The following CSMD1 variants were observed in gnomAD, a reference collection of about 807,000 sequenced individuals.
CSMD1 encodes the protein CUB and sushi domain-containing protein 1.
In CSMD1, 213 loss-of-function variants were observed where a neutral mutation model predicts 417.5. The ratio of observed to expected loss-of-function variants is 0.51; its 90% CI spans 0.46 to 0.57. The LOEUF is 0.57. Among genes scored for constraint, CSMD1 ranks in the 20% least tolerant of loss-of-function variants. CSMD1 has a pLI of 0.00. For missense variants in CSMD1, 6,923 were observed against 4,529.7 expected (o/e 1.53, Z -15.17); for synonymous variants, 2,862 against 1,736.8 (o/e 1.65, Z -16.11).
intron 4 of CSMD1, among the ~76,000 whole-genome samples, chr8:4,010,301 G>A (rs958734361): frequency 5.3e-5 from 8 of 151,886 alleles, no homozygotes; most frequent in East Asian, 1.9e-4. Flanking sequence ...ATAATAATCT[G>A]GCACCCTCTG....
At chr8:3,760,829 T>C (rs1363074323) in intron 5 of CSMD1, among the ~76,000 whole-genome samples, 1 of 152,196 alleles carries the variant, frequency 6.6e-6, no homozygotes, top group South Asian at 2.1e-4. Context: ...CCAGAAAGCA[T>C]TACTGCTATT....
rs552787272 is a variant in CSMD1, at chr8:3,614,093, C to T, written c.1097+2617G>A. Among the ~76,000 whole-genome samples the T allele has an allele frequency of 4.6e-5, 7 of 152,132 alleles. No individual in the cohort carries two copies. The South Asian group carries it at 1.2e-3, about 27-fold the overall frequency. Reference sequence around the variant, plus strand: ...ATATATTCGTATACACATACACACACCATAGACGATACAAATAACATTTTA... The same window carrying T: ...ATATATTCGTATACACATACACACATCATAGACGATACAAATAACATTTTA... On this transcript the variant is annotated intron_variant, in intron 8 of 69. Transcript: ENST00000635120.
At chr8:3,231,066 A>C (rs1798807990) in intron 26 of CSMD1, among the ~76,000 whole-genome samples, 1 of 152,154 alleles carries the variant, frequency 6.6e-6, no homozygotes, top group Non-Finnish European at 1.5e-5. Context: ...GCCTAATCAC[A>C]GAAGGCTACC....
intron 10 of CSMD1, among the ~76,000 whole-genome samples, chr8:3,527,019 AGAAT>A (rs1018667843): frequency 2.6e-5 from 4 of 152,038 alleles, no homozygotes; most frequent in Admixed American, 6.6e-5. Flanking sequence ...CTCCCTACTC[AGAAT>A]GTGGCTGGGC....
At chr8:4,947,408 G>T (rs1808441647) in intron 1 of CSMD1, among the ~76,000 whole-genome samples, 1 of 135,492 alleles carries the variant, frequency 7.4e-6, no homozygotes, top group Non-Finnish European at 1.7e-5. Flanking sequence ...TTATGTCTAA[G>T]AATTACCAGT....
At chr8:4,703,786 G>C (rs1166046048) in intron 1 of CSMD1, among the ~76,000 whole-genome samples, 1 of 152,234 alleles carries the variant, frequency 6.6e-6, no homozygotes, top group South Asian at 2.1e-4. Flanking sequence ...GGGATACGAA[G>C]AGACCCGATC....
intron 5 of CSMD1, among the ~76,000 whole-genome samples, chr8:3,888,251 T>C (rs551691276): frequency 1.3e-5 from 2 of 152,290 alleles, no homozygotes; most frequent in South Asian, 2.1e-4. Context: ...AATGTGATGA[T>C]CTGCTAAATA....
At chr8:3,157,272 G>C (rs1024197999) in intron 39 of CSMD1, among the ~76,000 whole-genome samples, 1 of 152,122 alleles carries the variant, frequency 6.6e-6, no homozygotes, top group Non-Finnish European at 1.5e-5. Flanking sequence ...ACCAACCTTT[G>C]TACTGAGGGA....
At chr8:3,469,509 T>G (rs546374450) in intron 11 of CSMD1, among the ~76,000 whole-genome samples, 1 of 152,298 alleles carries the variant, frequency 6.6e-6, no homozygotes, top group East Asian at 1.9e-4. Flanking sequence ...AACAGTCACA[T>G]AGGGGCTGCT....
At chr8:3,885,147 T>A (rs1227028978) in intron 5 of CSMD1, among the ~76,000 whole-genome samples, 11 of 152,016 alleles carry the variant, frequency 7.2e-5, no homozygotes, top group Admixed American at 7.2e-4. Context: ...CAAGATCCCA[T>A]CTCGTGACTG....
At chr8:3,984,815 A>T (rs1814196546) in intron 5 of CSMD1, among the ~76,000 whole-genome samples, 2 of 148,044 alleles carry the variant, frequency 1.4e-5, no homozygotes, top group South Asian at 2.2e-4. Flanking sequence ...CACACAAAAA[A>T]CTAGAGGGAA....
chr8:4,317,623 GAGAGAGAGAGAC>G (rs1799011887), intron 3 of CSMD1, among the ~76,000 whole-genome samples: 2 of 82,824 alleles, frequency 2.4e-5, no homozygotes, highest in African/African-American at 9.0e-5. Context: ...GAGAAAGAGA[GAGAGAGAGAGAC>G]AATTTTATTT....
intron 50 of CSMD1, among the ~76,000 whole-genome samples, chr8:3,037,613 C>T (rs148943397): frequency 2.1e-3 from 320 of 152,168 alleles, no homozygotes; most frequent in African/African-American, 7.0e-3. Context: ...GTAGATGCCC[C>T]GTAGTAGGGC....
chr8:4,811,764 T>C (rs1798921958), intron 1 of CSMD1, among the ~76,000 whole-genome samples: 1 of 152,116 alleles, frequency 6.6e-6, no homozygotes, highest in Admixed American at 6.5e-5. Context: ...CTTTCAAACA[T>C]TCAGTTTATT....
chr8:3,987,262 C>A (rs546035952), intron 5 of CSMD1, among the ~76,000 whole-genome samples: 12 of 152,340 alleles, frequency 7.9e-5, no homozygotes, highest in Middle Eastern at 3.4e-3. Context: ...AAAGGCTACA[C>A]ACAGCCCAGT....
intron 3 of CSMD1, among the ~76,000 whole-genome samples, chr8:4,149,212 C>T (rs1424448819): frequency 6.6e-6 from 1 of 152,112 alleles, no homozygotes; most frequent in African/African-American, 2.4e-5. Flanking sequence ...GATCCGTCCA[C>T]CTCGGCCTCC....
At chr8:3,355,030 G>C (rs900661735) in intron 21 of CSMD1, among the ~76,000 whole-genome samples, 1 of 136,512 alleles carries the variant, frequency 7.3e-6, no homozygotes, top group Admixed American at 7.3e-5. Flanking sequence ...AAGATATTTT[G>C]TTTCACTATG....
intron 20 of CSMD1, among the ~76,000 whole-genome samples, chr8:3,363,535 A>T (rs1370257589): frequency 6.7e-6 from 1 of 149,510 alleles, no homozygotes; most frequent in Non-Finnish European, 1.5e-5. Flanking sequence ...TTATTTATTT[A>T]TTATTTTTTT....
chr8:4,549,562 C>A (rs138556318), intron 2 of CSMD1, among the ~76,000 whole-genome samples: 2 of 152,004 alleles, frequency 1.3e-5, no homozygotes, highest in Non-Finnish European at 2.9e-5. Context: ...CACAGCCTCC[C>A]GCATTACGTG....
Sources: allele counts gnomAD v4.1 joint callset (sites outside exome capture counted in the v4.1 genomes callset), GRCh38; gene constraint gnomAD v4.1.1; transcripts MANE v1.5; gene names NCBI Gene and HGNC (gene_info 2026-07-23, HGNC 2026-07-21).